RCOR1: variants seen among roughly 807,000 people sequenced by gnomAD.
RCOR1 encodes REST corepressor.
A neutral mutation model predicts 64.0 loss-of-function variants in RCOR1; 12 were observed. The observed-to-expected ratio is 0.19, with a 90% CI of 0.12 to 0.30. The LOEUF is 0.30. RCOR1 is among the 10% of genes least tolerant of loss of function. The pLI is 1.00. For missense variants in RCOR1, 502 were observed against 621.2 expected, an observed-to-expected ratio of 0.81 and a Z score of 2.04; for synonymous variants, 279 against 227.2, an observed-to-expected ratio of 1.23 and a Z score of -2.05.
At chr14:102,636,385 C>T (rs1894238120) in intron 2 of RCOR1, among the ~76,000 whole-genome samples, 1 of 151,960 alleles carries the variant, frequency 6.6e-6, no homozygotes, top group Admixed American at 6.6e-5. Context: ...TCAAGCGATT[C>T]TCCTGCCTCA....
At chr14:102,691,893 C>G (rs1895540658) in intron 3 of RCOR1, among the ~76,000 whole-genome samples, 1 of 152,166 alleles carries the variant, frequency 6.6e-6, no homozygotes, top group African/African-American at 2.4e-5. Context: ...GGGAAGCATT[C>G]TTGGACCTAT....
At chr14:102,658,302 A>G (rs548127627) in intron 2 of RCOR1, among the ~76,000 whole-genome samples, 1 of 152,068 alleles carries the variant, frequency 6.6e-6, no homozygotes, top group Admixed American at 6.6e-5. Flanking sequence ...TTTTCTGGCC[A>G]GGTGCGGTGG....
intron 2 of RCOR1, among the ~76,000 whole-genome samples, chr14:102,609,285 C>T (rs1214888442): frequency 2.6e-5 from 4 of 151,642 alleles, no homozygotes; most frequent in African/African-American, 7.3e-5. Context: ...TCAGGTGATC[C>T]GCCTGCCTCG....
chr14:102,686,371 C>T (rs547404729), intron 3 of RCOR1, among the ~76,000 whole-genome samples: 1 of 152,304 alleles, frequency 6.6e-6, no homozygotes, highest in East Asian at 1.9e-4. Context: ...CCACACCCTC[C>T]CCCAGTGTGA....
At chr14:102,654,917 T>C (rs1213177256) in intron 2 of RCOR1, among the ~76,000 whole-genome samples, 1 of 150,304 alleles carries the variant, frequency 6.7e-6, no homozygotes, top group Non-Finnish European at 1.5e-5. Context: ...TAAAGGATCC[T>C]CCTGTCTCAG....
chr14:102,607,971 G>T (rs1408716840), intron 2 of RCOR1, among the ~76,000 whole-genome samples: 1 of 152,120 alleles, frequency 6.6e-6, no homozygotes, highest in African/African-American at 2.4e-5. Flanking sequence ...CAGGAGAATT[G>T]GTTGAACCGG....
chr14:102,607,904 A>T (rs563009044), intron 2 of RCOR1, among the ~76,000 whole-genome samples: 3 of 151,954 alleles, frequency 2.0e-5, no homozygotes, highest in Non-Finnish European at 4.4e-5. Context: ...AAAGTACAAA[A>T]AATTAGCCAG....
At chr14:102,700,173 C>A (rs1283641018) in intron 3 of RCOR1, among the ~76,000 whole-genome samples, 1 of 152,046 alleles carries the variant, frequency 6.6e-6, no homozygotes, top group Non-Finnish European at 1.5e-5. Context: ...TAAAGTAGTA[C>A]TTGTTTGTTG....
chr14:102,630,465 T>C (rs538845360), intron 2 of RCOR1, among the ~76,000 whole-genome samples: 103 of 152,356 alleles, frequency 6.8e-4, no homozygotes, highest in African/African-American at 2.5e-3. Context: ...CCTAATCATA[T>C]ACATACTTAT....
chr14:102,701,797 C>T (rs1204958106), intron 4 of RCOR1, among the ~76,000 whole-genome samples: 1 of 152,192 alleles, frequency 6.6e-6, no homozygotes, highest in Admixed American at 6.5e-5. Flanking sequence ...CAGCTCATTG[C>T]AACCTCTGCC....
At chr14:102,607,298 A>G (rs1893531078) in intron 2 of RCOR1, among the ~76,000 whole-genome samples, 1 of 152,196 alleles carries the variant, frequency 6.6e-6, no homozygotes, top group Admixed American at 6.5e-5. Context: ...ATGGAAATCT[A>G]GGGAAAAATT....
In RCOR1 at chr14:102,631,999, G is replaced by A. The variant is rs539840829; in HGVS notation, c.361+38674G>A. Among the ~76,000 whole-genome samples the A allele has an allele frequency of 6.5e-4, 98 of 151,832 alleles. 1 individual carries two copies. The highest frequency in any genetic ancestry group is 6.8e-3 in the Middle Eastern group (2 of 294). ...ATTTTTTTGTATTTTTAGTAGAGAC[G>A]GGGTTTCACCATGTTGGCCAGGCTG... On this transcript the variant is annotated intron_variant, in intron 2 of 11. Transcript: ENST00000262241.
At chr14:102,655,948 T>C (rs1156259248) in intron 2 of RCOR1, 1 of 574,574 alleles carries the variant, frequency 1.7e-6, no homozygotes, top group Non-Finnish European at 2.0e-6. Context: ...GTGAGACTTT[T>C]TGTCACACAC....
At position 102,624,013 on chromosome 14, in the gene RCOR1, G is replaced by A. The variant is rs372593757; in HGVS notation, c.361+30688G>A. 1.3e-4 allele frequency among the ~76,000 whole-genome samples: 20 copies of A among 151,210 alleles called. No individual in the cohort carries two copies. In the East Asian group the frequency reaches 4.0e-3, roughly 30 times the overall value. On this transcript the variant is annotated intron_variant, in intron 2 of 11. Transcript: ENST00000262241. ...TCGAGACCATCCTGGCTAACATGGT[G>A]AAACCCCATCTCTACTAAAAAAAAT...
chr14:102,711,749 A>C (rs935974441), intron 7 of RCOR1, among the ~76,000 whole-genome samples: 1 of 152,200 alleles, frequency 6.6e-6, no homozygotes, highest in Non-Finnish European at 1.5e-5. Context: ...AAATTTATCT[A>C]AACTTTAAAA....
At chr14:102,599,586 A>G (rs1893342830) in intron 2 of RCOR1, among the ~76,000 whole-genome samples, 1 of 152,172 alleles carries the variant, frequency 6.6e-6, no homozygotes, top group Non-Finnish European at 1.5e-5. Context: ...ATTTAATCAG[A>G]TCTGAAAATT....
chr14:102,624,023 C>T (rs1567411950), intron 2 of RCOR1, among the ~76,000 whole-genome samples: 1 of 151,492 alleles, frequency 6.6e-6, no homozygotes, highest in African/African-American at 2.4e-5. Flanking sequence ...GAAACCCCAT[C>T]TCTACTAAAA....
Position 102,729,600 on chromosome 14 carries a change from G to A in RCOR1, c.*3094G>A. 3 of 362,496 alleles carry A rather than the reference G, an allele frequency of 8.3e-6. No homozygotes were observed. Among genetic ancestry groups the A allele is most frequent in the Non-Finnish European group, 1.5e-5 (3 of 203,552 alleles). 22.5% of individuals were successfully genotyped at this position (362,496 alleles called of 1,614,324 possible). ...ACATGAAAAGGTAGTTAGTTGGGTT[G>A]TAACAGCTTACTGGGGTGGACTCAT... On this transcript the variant is annotated 3_prime_UTR_variant, in exon 12 of 12. Transcript: ENST00000262241.
At chr14:102,616,206 ATGTGTGTG>A (rs56991991) in intron 2 of RCOR1, among the ~76,000 whole-genome samples, 2,007 of 149,242 alleles carry the variant, frequency 0.013, 23 homozygotes, top group African/African-American at 0.023. Context: ...ACATGTGTAT[ATGTGTGTG>A]TGTGTGTGTG....
Sources: gnomAD v4.1 joint callset for allele counts (sites outside exome capture counted in the v4.1 genomes callset) on GRCh38, gnomAD v4.1.1 for gene constraint, MANE v1.5 for transcripts, NCBI Gene and HGNC (gene_info 2026-07-23, HGNC 2026-07-21) for gene names.